Variants in NDRG1 observed in about 807,000 individuals in gnomAD.
NDRG1 encodes protein NDRG1.
NDRG1 carries 32 observed loss-of-function variants against 56.9 expected under a neutral mutation model. The ratio of observed to expected loss-of-function variants is 0.56; its 90% CI spans 0.42 to 0.76. The LOEUF is 0.76. NDRG1 is among the 30% of genes least tolerant of loss of function. NDRG1 has a pLI of 0.00. For synonymous variants in NDRG1, 211 were observed against 204.1 expected (o/e 1.03, Z -0.29); for missense variants, 507 against 545.7 (o/e 0.93, Z 0.71).
At chr8:133,254,754 C>A (rs1345270922) in intron 8 of NDRG1, 159 bp from the exon 9 acceptor site, 33 of 717,476 alleles carry the variant, frequency 4.6e-5, no homozygotes, top group Non-Finnish European at 7.5e-5. Flanking sequence ...CAGTTCCTGT[C>A]TCCAGTTCCC....
intron 3 of NDRG1, among the ~76,000 whole-genome samples, chr8:133,277,778 G>A (rs1352334774): frequency 3.3e-5 from 5 of 152,120 alleles, no homozygotes; most frequent in East Asian, 1.9e-4. Context: ...TGTTTGGCCC[G>A]GCACTGATGC....
chr8:133,270,623 T>C lies in NDRG1; in HGVS notation c.100-5971A>G, dbSNP rs185772948. Among the ~76,000 whole-genome samples, 6 of 152,282 alleles carry C rather than the reference T, an allele frequency of 3.9e-5. No homozygotes were observed. In the East Asian group the frequency reaches 1.2e-3, roughly 29 times the overall value. ...CCTACTTGGAACATGGATGAGATGCTTGGGGGTTCGGTGGCTATCCTACCA... is the reference window on the plus strand; with the variant it reads ...CCTACTTGGAACATGGATGAGATGCCTGGGGGTTCGGTGGCTATCCTACCA... On this transcript the variant is annotated intron_variant, in intron 3 of 15. Transcript: ENST00000323851.
intron 3 of NDRG1, among the ~76,000 whole-genome samples, chr8:133,266,385 C>T (rs1044551380): frequency 6.6e-5 from 10 of 152,228 alleles, no homozygotes; most frequent in African/African-American, 2.4e-4. Context: ...CCATACAGAT[C>T]ACTGCCGTGT....
chr8:133,247,974 ATTG>A, intron 11 of NDRG1, 48 bp from the exon 12 acceptor site: 1 of 1,591,932 alleles, frequency 6.3e-7, no homozygotes, highest in Non-Finnish European at 8.6e-7. Context: ...TCCTTTAAAG[ATTG>A]TCCCACTCCC....
At chr8:133,258,913 A>G (rs1456206411) in intron 6 of NDRG1, 2 of 573,994 alleles carry the variant, frequency 3.5e-6, no homozygotes, top group Non-Finnish European at 6.2e-6. Context: ...AGGAGGCAAG[A>G]GCAAATGGGT....
intron 5 of NDRG1, among the ~76,000 whole-genome samples, chr8:133,259,881 G>A (rs1383185100): frequency 6.6e-6 from 1 of 152,218 alleles, no homozygotes; most frequent in Non-Finnish European, 1.5e-5. Flanking sequence ...AGATGATCAG[G>A]GAGGGCTTCT....
At chr8:133,269,190 C>T (rs940765946) in intron 3 of NDRG1, among the ~76,000 whole-genome samples, 7 of 152,108 alleles carry the variant, frequency 4.6e-5, no homozygotes, top group African/African-American at 1.7e-4. Flanking sequence ...TTGCCTGTCT[C>T]GAAGCTCATG....
chr8:133,294,049 G>A (rs1009106322), intron 1 of NDRG1, among the ~76,000 whole-genome samples: 2 of 152,178 alleles, frequency 1.3e-5, no homozygotes, highest in Admixed American at 6.5e-5. Context: ...AGGTTACACA[G>A]ATTAATATTT....
intron 13 of NDRG1, 78 bp downstream of exon 13, chr8:133,246,538 G>A: frequency 6.9e-7 from 1 of 1,452,938 alleles, no homozygotes; most frequent in Admixed American, 1.7e-5. Context: ...CCTTTTTCAA[G>A]CCTAACTCAA....
intron 2 of NDRG1, among the ~76,000 whole-genome samples, chr8:133,283,673 T>C (rs188377985): frequency 4.6e-5 from 7 of 152,340 alleles, no homozygotes; most frequent in Admixed American, 1.3e-4. Flanking sequence ...CTTGGCCCCA[T>C]GAGGTAAGTC....
chr8:133,284,961 A>G (rs1441041393), intron 1 of NDRG1: 1 of 410,660 alleles, frequency 2.4e-6, no homozygotes, highest in Non-Finnish European at 4.9e-6. Context: ...TTGAACGCAC[A>G]GTACAATTTT....
At chr8:133,246,792 T>G in intron 12 of NDRG1, 129 bp from the exon 13 acceptor site, 1 of 868,940 alleles carries the variant, frequency 1.2e-6, no homozygotes, top group Non-Finnish European at 1.9e-6. Context: ...AGAAAGTATG[T>G]GGAGTTATTG....
At chr8:133,293,557 C>G (rs192409509) in intron 1 of NDRG1, among the ~76,000 whole-genome samples, 76 of 152,308 alleles carry the variant, frequency 5.0e-4, no homozygotes, top group Admixed American at 1.1e-3. Context: ...CATTGAACCT[C>G]CAAGGCACTA....
intron 5 of NDRG1, among the ~76,000 whole-genome samples, chr8:133,260,503 T>G (rs934080733): frequency 5.9e-5 from 9 of 152,266 alleles, no homozygotes; most frequent in African/African-American, 2.2e-4. Context: ...GAATAAAAAT[T>G]CCTGGGGGTG....
intron 1 of NDRG1, among the ~76,000 whole-genome samples, chr8:133,287,994 C>T (rs1360986242): frequency 6.6e-6 from 1 of 152,176 alleles, no homozygotes; most frequent in Non-Finnish European, 1.5e-5. Context: ...TTCCCTCACA[C>T]TGACACACTT....
chr8:133,248,196 C>T (rs1855800077), intron 11 of NDRG1, among the ~76,000 whole-genome samples: 1 of 152,198 alleles, frequency 6.6e-6, no homozygotes, highest in East Asian at 1.9e-4. Context: ...TTAAGCAGGA[C>T]TTAGCTGGCA....
At chr8:133,282,567 T>G (rs1857868705) in intron 2 of NDRG1, among the ~76,000 whole-genome samples, 1 of 152,244 alleles carries the variant, frequency 6.6e-6, no homozygotes, top group Admixed American at 6.5e-5. Flanking sequence ...AAGTTTCTGT[T>G]TGACTATTTC....
At chr8:133,255,687 C>A (rs887428901) in intron 8 of NDRG1, 2 of 273,088 alleles carry the variant, frequency 7.3e-6, no homozygotes, top group Non-Finnish European at 1.5e-5. Flanking sequence ...AGAACAAATG[C>A]AAAATCACAG....
At chr8:133,293,994 G>A (rs946568958) in intron 1 of NDRG1, among the ~76,000 whole-genome samples, 4 of 152,106 alleles carry the variant, frequency 2.6e-5, no homozygotes, top group African/African-American at 4.8e-5. Flanking sequence ...TGCTACTGAC[G>A]GCAAACACCT....
Sources: allele counts gnomAD v4.1 joint callset (sites outside exome capture counted in the v4.1 genomes callset), GRCh38; gene constraint gnomAD v4.1.1; transcripts MANE v1.5; gene names NCBI Gene and HGNC (gene_info 2026-07-23, HGNC 2026-07-21).